HIVEP3: variants seen among roughly 807,000 people sequenced by gnomAD.
The protein encoded by HIVEP3 is HIVEP zinc finger 3, also known as transcription factor HIVEP3.
In HIVEP3, 49 loss-of-function variants were observed where a neutral mutation model predicts 152.8. The observed-to-expected ratio is 0.32, with a 90% CI of 0.26 to 0.41. The LOEUF (loss-of-function observed/expected upper bound fraction) is 0.41, where lower values mean the gene tolerates loss of function less well. HIVEP3 is among the 10% of genes least tolerant of loss of function. HIVEP3 has a pLI of 1.00. For missense variants in HIVEP3, 2,790 were observed against 3,103.3 expected (o/e 0.90, Z 2.40); for synonymous variants, 1,269 against 1,289.0 (o/e 0.98, Z 0.33).
At chr1:41,595,536 TG>T (rs1644653115) in intron 3 of HIVEP3, among the ~76,000 whole-genome samples, 1 of 152,082 alleles carries the variant, frequency 6.6e-6, no homozygotes, top group Non-Finnish European at 1.5e-5. Flanking sequence ...TTTTGAACTA[TG>T]GGAAGATGTT....
intron 1 of HIVEP3, among the ~76,000 whole-genome samples, chr1:41,703,690 A>G (rs1187853738): frequency 1.3e-5 from 2 of 152,250 alleles, no homozygotes; most frequent in Non-Finnish European, 2.9e-5. Flanking sequence ...AACACATAAA[A>G]AATCCCTAAT....
At chr1:41,779,782 C>T (rs1255133528) in intron 1 of HIVEP3, among the ~76,000 whole-genome samples, 2 of 152,134 alleles carry the variant, frequency 1.3e-5, no homozygotes, top group Admixed American at 1.3e-4. Flanking sequence ...AAGGCGTGTG[C>T]CACCGTACCT....
chr1:41,572,134 G>A (rs547852547), intron 5 of HIVEP3, among the ~76,000 whole-genome samples: 12 of 152,292 alleles, frequency 7.9e-5, no homozygotes, highest in Non-Finnish European at 1.6e-4. Context: ...TGGAAGGCTT[G>A]GTTTGCACAT....
At chr1:41,756,254 G>T (rs989847269) in intron 1 of HIVEP3, among the ~76,000 whole-genome samples, 1 of 152,166 alleles carries the variant, frequency 6.6e-6, no homozygotes, top group Non-Finnish European at 1.5e-5. Context: ...ACAAACCAGT[G>T]GTTGCCAACA....
chr1:41,525,297 A>AAAC (rs1553219798), intron 5 of HIVEP3, among the ~76,000 whole-genome samples: 2 of 151,918 alleles, frequency 1.3e-5, no homozygotes, highest in African/African-American at 4.8e-5. Context: ...GATGATAATA[A>AAAC]AACAGCAGCA....
chr1:41,875,884 A>AT (rs1277058349), intron 1 of HIVEP3, among the ~76,000 whole-genome samples: 1 of 152,060 alleles, frequency 6.6e-6, no homozygotes, highest in Non-Finnish European at 1.5e-5. Context: ...TAATTATGTG[A>AT]TTTTTTGTTT....
chr1:41,511,212 A>T lies in HIVEP3; in HGVS notation c.6460T>A (p.Ser2154Thr). ...TGGAGGGCGGAGAAGGGTCGGGAGG[A>T]GAGAGGATGAGCAGGGCCGGGTGAG... ...SCSPGPAHPL[S>T]SRPFSALHDF... The change falls in exon 9 of 9, where the codon TCC (serine) becomes ACC (threonine). Residue 2154 changes from serine to threonine, a missense_variant. Coordinates refer to ENST00000372583, the MANE Select transcript of HIVEP3 (RefSeq NM_024503.5). The surrounding 1 kb of genome is among the most constrained non-coding windows in gnomAD (Gnocchi z 4.9). 3 of 1,613,536 alleles carry T rather than the reference A, an allele frequency of 1.9e-6. No individual in the cohort carries two copies. The highest frequency in any genetic ancestry group is 2.5e-6 in the Non-Finnish European group (3 of 1,179,808).
chr1:41,608,601 C>G (rs1644854155), intron 3 of HIVEP3, among the ~76,000 whole-genome samples: 1 of 152,186 alleles, frequency 6.6e-6, no homozygotes, highest in African/African-American at 2.4e-5. Context: ...ATGCTTGGCT[C>G]TTCTGAGACA....
intron 6 of HIVEP3, 101 bp from the exon 7 acceptor site, chr1:41,518,589 T>C (rs959454511): frequency 4.4e-6 from 5 of 1,127,780 alleles, no homozygotes; most frequent in Non-Finnish European, 4.0e-6. Flanking sequence ...CCATGGTTTC[T>C]CAGGCCAGTC....
Position 41,509,632 on chromosome 1 carries a change from T to G in HIVEP3, c.*819A>C. ...CCCAGCCCAGGGGGCCAGGGTGGGG[T>G]GCAGAAGGGAGGTGTCTGGAGTGGG... On this transcript the variant is annotated 3_prime_UTR_variant, in exon 9 of 9. Transcript: ENST00000372583. 1 of 148,996 alleles carries G rather than the reference T, an allele frequency of 6.7e-6. No homozygotes were observed. 9.2% of individuals were successfully genotyped at this position (148,996 alleles called of 1,614,324 possible). A position where few individuals can be genotyped will look rare whatever the true frequency, so the allele number is the denominator to read the frequency against.
intron 1 of HIVEP3, among the ~76,000 whole-genome samples, chr1:41,754,333 GC>G (rs1647224368): frequency 6.6e-6 from 1 of 152,142 alleles, no homozygotes; most frequent in Admixed American, 6.5e-5. Context: ...AGACTCCACT[GC>G]CCTTTGAGAC....
chr1:41,707,338 C>T (rs1432465585), intron 1 of HIVEP3, among the ~76,000 whole-genome samples: 1 of 152,224 alleles, frequency 6.6e-6, no homozygotes, highest in African/African-American at 2.4e-5. Context: ...CCAGAACTAC[C>T]ACGAGGGCAA....
chr1:41,793,808 T>C (rs1402480500), intron 1 of HIVEP3, among the ~76,000 whole-genome samples: 1 of 152,152 alleles, frequency 6.6e-6, no homozygotes, highest in Non-Finnish European at 1.5e-5. Flanking sequence ...TGTAGAAAAT[T>C]TGAAAAACGT....
chr1:41,810,640 A>AC (rs1218819311), intron 1 of HIVEP3, among the ~76,000 whole-genome samples: 12 of 152,072 alleles, frequency 7.9e-5, no homozygotes, highest in South Asian at 6.2e-4. Flanking sequence ...GCCCTTTGGA[A>AC]CCCCTTGGAG....
intron 1 of HIVEP3, among the ~76,000 whole-genome samples, chr1:41,717,259 C>A (rs1174322351): frequency 6.6e-6 from 1 of 152,230 alleles, no homozygotes; most frequent in Non-Finnish European, 1.5e-5. Context: ...TTCCCTTATT[C>A]CCTCCAACCA....
intron 2 of HIVEP3, among the ~76,000 whole-genome samples, chr1:41,630,713 A>C (rs1437992056): frequency 6.6e-6 from 1 of 152,168 alleles, no homozygotes; most frequent in African/African-American, 2.4e-5. Context: ...AACCCAGCCC[A>C]CCAACACCTT....
At chr1:41,954,954 C>T (rs1350383842) in intron 1 of HIVEP3, among the ~76,000 whole-genome samples, 2 of 146,514 alleles carry the variant, frequency 1.4e-5, no homozygotes, top group Non-Finnish European at 1.5e-5. Context: ...ACCATTTTCT[C>T]AGCTTCCAGG....
chr1:41,568,079 C>T (rs1644195317), intron 5 of HIVEP3, among the ~76,000 whole-genome samples: 1 of 152,242 alleles, frequency 6.6e-6, no homozygotes, highest in African/African-American at 2.4e-5. Flanking sequence ...TGCCTATGTG[C>T]CAGGCACTAT....
upstream of HIVEP3, among the ~76,000 whole-genome samples, chr1:41,919,731 G>GA (rs1644924668): frequency 6.6e-6 from 1 of 151,906 alleles, no homozygotes; most frequent in African/African-American, 2.4e-5. Flanking sequence ...AAATTTTTTT[G>GA]AAAAAAATTA....
Sources: allele counts gnomAD v4.1 joint callset (sites outside exome capture counted in the v4.1 genomes callset), GRCh38; gene constraint gnomAD v4.1.1; non-coding constraint Gnocchi (gnomAD v3.1); transcripts MANE v1.5; gene names NCBI Gene and HGNC (gene_info 2026-07-23, HGNC 2026-07-21).